PARD3B: variants seen among roughly 807,000 people sequenced by gnomAD.
PARD3B encodes partitioning defective 3 homolog B.
PARD3B carries 103 observed loss-of-function variants against 130.2 expected under a neutral mutation model. The ratio of observed to expected loss-of-function variants is 0.79; its 90% CI spans 0.67 to 0.93. PARD3B has a LOEUF of 0.93. Ranked by LOEUF, PARD3B falls within the 40% of genes least tolerant of loss-of-function variation. The probability of loss-of-function intolerance (pLI) is 0.00; values close to 1 mark genes in which losing one functional copy is unlikely to be tolerated. For synonymous variants in PARD3B, 583 were observed against 553.2 expected, an observed-to-expected ratio of 1.05 and a Z score of -0.76; for missense variants, 1,609 against 1,499.2, an observed-to-expected ratio of 1.07 and a Z score of -1.21.
chr2:205,363,454 G>A (rs932897102), intron 18 of PARD3B, among the ~76,000 whole-genome samples: 10 of 152,130 alleles, frequency 6.6e-5, no homozygotes, highest in African/African-American at 2.4e-4. Context: ...TAAGACATAC[G>A]AAGCATTTAG....
chr2:205,387,042 T>C (rs2105965367), intron 18 of PARD3B, among the ~76,000 whole-genome samples: 1 of 152,328 alleles, frequency 6.6e-6, no homozygotes, highest in Admixed American at 6.5e-5. Context: ...AATATGTTGG[T>C]GCTTGCATAA....
rs149224906 is a variant in PARD3B at position 205,205,621 on chromosome 2, T to C, written c.2140+12301T>C. Among the ~76,000 whole-genome samples the C allele has an allele frequency of 4.9e-3, 749 of 152,340 alleles. 5 individuals carry two copies. Among genetic ancestry groups the C allele is most frequent in the African/African-American group, 0.017 (713 of 41,582 alleles). On this transcript the variant is annotated intron_variant, in intron 15 of 22. Coordinates refer to ENST00000406610, the MANE Select transcript of PARD3B (RefSeq NM_001302769.2). ...TTTTATTATTTTGAGATACATTCCATCAATACCTAGTTTATTGAGACTTTT... is the reference window on the plus strand; with the variant it reads ...TTTTATTATTTTGAGATACATTCCACCAATACCTAGTTTATTGAGACTTTT...
At chr2:205,286,342 G>A (rs1430815256) in intron 16 of PARD3B, among the ~76,000 whole-genome samples, 1 of 152,100 alleles carries the variant, frequency 6.6e-6, no homozygotes, top group Non-Finnish European at 1.5e-5. Context: ...TACAGAGATA[G>A]CTGCTGCTAT....
chr2:205,165,757 A>C (rs1016872575), intron 11 of PARD3B, among the ~76,000 whole-genome samples: 4 of 107,698 alleles, frequency 3.7e-5, no homozygotes, highest in Admixed American at 9.1e-5. Flanking sequence ...AAATAAATAA[A>C]TAAATAAATA....
intron 20 of PARD3B, among the ~76,000 whole-genome samples, chr2:205,487,277 T>A (rs1018974761): frequency 1.3e-5 from 2 of 152,234 alleles, no homozygotes; most frequent in African/African-American, 4.8e-5. Flanking sequence ...TCTCCTTTTT[T>A]AAAACACTCT....
Position 204,940,433 on chromosome 2 carries a change from A to G in PARD3B, c.223-24719A>G, listed in dbSNP as rs151228744. On this transcript the variant is annotated intron_variant, in intron 2 of 22. Coordinates refer to ENST00000406610, the MANE Select transcript of PARD3B (RefSeq NM_001302769.2). ...AGCATTGACAGGTAAGTGACTGTGC[A>G]GAAGGACAGGTTGTTTCATTATGTT... 1.1e-4 allele frequency among the ~76,000 whole-genome samples: 16 copies of G among 152,140 alleles called. No individual in the cohort carries two copies. The East Asian group carries it at 2.9e-3, about 28-fold the overall frequency.
chr2:205,243,545 A>G (rs2039447372), intron 15 of PARD3B, among the ~76,000 whole-genome samples: 1 of 152,248 alleles, frequency 6.6e-6, no homozygotes, highest in South Asian at 2.1e-4. Flanking sequence ...ATTTCAAAAC[A>G]TGTTAAACAA....
chr2:204,554,623 A>G (rs753572903), intron 1 of PARD3B, among the ~76,000 whole-genome samples: 1 of 151,602 alleles, frequency 6.6e-6, no homozygotes, highest in Non-Finnish European at 1.5e-5. Flanking sequence ...TTTTCTTTAA[A>G]TAGACTTTAG....
At chr2:204,766,965 C>CTTTTTTTTTTTTTTTTTTTTTTTT (rs68009060) in intron 2 of PARD3B, among the ~76,000 whole-genome samples, 1 of 114,484 alleles carries the variant, frequency 8.7e-6, no homozygotes, top group South Asian at 3.0e-4. Context: ...TTTTCTTTTT[C>CTTTTTTTTTTTTTTTTTTTTTTTT]TTTTTTTTTT....
rs144678693 is a variant in PARD3B at position 205,590,521 on chromosome 2, G to A, written c.3261-24935G>A. On this transcript the variant is annotated intron_variant, in intron 22 of 22. Transcript: ENST00000406610. This position sits in a 1 kb window ranked among gnomAD's most constrained non-coding sequence, Gnocchi z 4.1. ...ATCACTGTGCCCGAGGGGATGGAAC[G>A]TTCTGATGATCCAGGCCTGGGTCAC... 3.3e-5 allele frequency among the ~76,000 whole-genome samples: 5 copies of A among 152,288 alleles called. No homozygotes were observed. Among genetic ancestry groups the A allele is most frequent in the South Asian group, 4.1e-4 (2 of 4,826 alleles).
chr2:205,006,671 C>A (rs1211189997), intron 3 of PARD3B, among the ~76,000 whole-genome samples: 1 of 151,988 alleles, frequency 6.6e-6, no homozygotes, highest in Non-Finnish European at 1.5e-5. Flanking sequence ...TTGTTTTCTT[C>A]TTGCTGATTT....
Position 205,194,959 on chromosome 2 carries a change from T to TGTTG in PARD3B, c.2140+1639_2140+1640insGTTG, listed in dbSNP as rs201658740. On this transcript the variant is annotated intron_variant, in intron 15 of 22. Coordinates refer to ENST00000406610, the MANE Select transcript of PARD3B (RefSeq NM_001302769.2). ...CCACCACGCCAGGCTAATTTTTTTT[T>TGTTG]TTTTTTTTTTTGTATTTTTAGTAGA... Among the ~76,000 whole-genome samples, 96 of 141,258 alleles carry TGTTG rather than the reference T, an allele frequency of 6.8e-4. No homozygotes were observed. The South Asian group carries it at 9.0e-3, about 13-fold the overall frequency. The allele number at this position is 141,258 out of a possible 152,430, so 92.7% of individuals were successfully genotyped here.
intron 12 of PARD3B, among the ~76,000 whole-genome samples, chr2:205,174,120 C>T (rs576545083): frequency 6.6e-6 from 1 of 152,296 alleles, no homozygotes; most frequent in African/African-American, 2.4e-5. Context: ...TTTGGCTCAT[C>T]GAGTTGGCAC....
At chr2:204,770,760 C>A (rs1384633881) in intron 2 of PARD3B, among the ~76,000 whole-genome samples, 1 of 152,018 alleles carries the variant, frequency 6.6e-6, no homozygotes, top group African/African-American at 2.4e-5. Flanking sequence ...CCAGCTTACA[C>A]CCCATCCTCT....
At chr2:205,156,221 A>G (rs1469853619) in intron 10 of PARD3B, among the ~76,000 whole-genome samples, 4 of 130,282 alleles carry the variant, frequency 3.1e-5, no homozygotes, top group Non-Finnish European at 6.3e-5. Flanking sequence ...ATGAGAACAC[A>G]TGGACACAGG....
chr2:204,555,080 A>G (rs1298155418), intron 1 of PARD3B, among the ~76,000 whole-genome samples: 7 of 152,180 alleles, frequency 4.6e-5, no homozygotes. Flanking sequence ...GTGCTTAGTC[A>G]CTAATGAGTG....
intron 2 of PARD3B, among the ~76,000 whole-genome samples, chr2:204,772,140 T>A (rs1002490855): frequency 2.0e-5 from 3 of 152,072 alleles, no homozygotes; most frequent in Non-Finnish European, 4.4e-5. Flanking sequence ...TAGTATTGCT[T>A]ACAACAGTAG....
At chr2:205,137,155 C>T (rs1244740624) in intron 10 of PARD3B, among the ~76,000 whole-genome samples, 2 of 151,930 alleles carry the variant, frequency 1.3e-5, no homozygotes, top group Non-Finnish European at 2.9e-5. Context: ...CTAATAAGGA[C>T]ATAAAAGTTA....
intron 10 of PARD3B, among the ~76,000 whole-genome samples, chr2:205,154,328 A>G (rs1305250796): frequency 6.6e-6 from 1 of 152,202 alleles, no homozygotes; most frequent in Non-Finnish European, 1.5e-5. Context: ...AGAGAAATGC[A>G]AATCAAAACC....
Sources: gnomAD v4.1 joint callset for allele counts (sites outside exome capture counted in the v4.1 genomes callset) on GRCh38, gnomAD v4.1.1 for gene constraint, Gnocchi (gnomAD v3.1) non-coding constraint, MANE v1.5 for transcripts, NCBI Gene and HGNC (gene_info 2026-07-23, HGNC 2026-07-21) for gene names.